Variants in IL1RAPL1 observed in about 807,000 individuals in gnomAD.
The protein encoded by IL1RAPL1 is interleukin-1 receptor accessory protein-like 1.
IL1RAPL1 carries 3 observed loss-of-function variants against 48.4 expected under a neutral mutation model. That is an observed-to-expected ratio of 0.06 (90% CI 0.03 to 0.16). The LOEUF (loss-of-function observed/expected upper bound fraction) is 0.16, where lower values mean the gene tolerates loss of function less well. Ranked by LOEUF, IL1RAPL1 falls within the 10% of genes least tolerant of loss-of-function variation. IL1RAPL1 has a pLI of 1.00. For missense variants in IL1RAPL1, 349 were observed against 530.6 expected, an observed-to-expected ratio of 0.66 and a Z score of 3.36; for synonymous variants, 185 against 187.7, an observed-to-expected ratio of 0.99 and a Z score of 0.12.
intron 3 of IL1RAPL1, among the ~76,000 whole-genome samples, chrX:29,303,923 T>G (rs974348965): frequency 3.6e-5 from 4 of 112,173 alleles, no homozygotes; most frequent in African/African-American, 1.3e-4. Flanking sequence ...ATTACTTAAC[T>G]CTAATGCCTA....
At position 29,382,550 on chromosome X, in the gene IL1RAPL1, A is replaced by G. The variant is rs759703510; in HGVS notation, c.363-13708A>G. ...TAATGAATTTCAAAATGTCTGTTCCATGTACACAGTTGTTGACATACACAA... is the reference window on the plus strand; with the variant it reads ...TAATGAATTTCAAAATGTCTGTTCCGTGTACACAGTTGTTGACATACACAA... On this transcript the variant is annotated intron_variant, in intron 3 of 10. Transcript: ENST00000378993. 6.2e-5 allele frequency among the ~76,000 whole-genome samples: 7 copies of G among 112,079 alleles called. No homozygotes were observed. The East Asian group carries it at 1.4e-3, about 22-fold the overall frequency.
chrX:29,367,913 A>C (rs1021548731), intron 3 of IL1RAPL1, among the ~76,000 whole-genome samples: 2 of 109,534 alleles, frequency 1.8e-5, no homozygotes, highest in South Asian at 3.7e-4. Context: ...ATTTATATAT[A>C]TATCTTTATA....
chrX:28,754,013 C>T (rs1322896361), intron 1 of IL1RAPL1, among the ~76,000 whole-genome samples: 1 of 108,814 alleles, frequency 9.2e-6, no homozygotes, highest in Non-Finnish European at 1.9e-5. Flanking sequence ...TATTTCTTAT[C>T]AGCTATCATC....
intron 9 of IL1RAPL1, among the ~76,000 whole-genome samples, chrX:29,946,183 A>G (rs771289578): frequency 4.5e-5 from 5 of 112,147 alleles, no homozygotes; most frequent in Non-Finnish European, 9.4e-5. Flanking sequence ...CTACTTCTCT[A>G]TCTTATCCTT....
chrX:29,350,807 T>C (rs780908168), intron 3 of IL1RAPL1, among the ~76,000 whole-genome samples: 2 of 111,654 alleles, frequency 1.8e-5, no homozygotes, highest in East Asian at 5.6e-4. Context: ...CAATGTTTAA[T>C]ATTAGAAGTA....
chrX:29,956,608 T>C lies in IL1RAPL1; in HGVS notation c.*788T>C, dbSNP rs1397832678. ...GAAGAGAAGATCAAGGGCATGAAAT[T>C]GGGGAAGAGTGTTATTTCCGTTTTT... On this transcript the variant is annotated 3_prime_UTR_variant, in exon 11 of 11. Coordinates refer to ENST00000378993, the MANE Select transcript of IL1RAPL1 (RefSeq NM_014271.4). 1.9e-5 allele frequency: 2 copies of C among 105,399 alleles called. No homozygotes were observed. Among genetic ancestry groups the C allele is most frequent in the African/African-American group, 3.4e-5 (1 of 29,018 alleles). The allele number at this position is 105,399 out of a possible 1,213,427, so 8.7% of individuals were successfully genotyped here. A position where few individuals can be genotyped will look rare whatever the true frequency, so the allele number is the denominator to read the frequency against.
chrX:29,955,006 A>G, intron 10 of IL1RAPL1, 96 bp from the exon 11 acceptor site: 1 of 722,538 alleles, frequency 1.4e-6, no homozygotes, highest in South Asian at 2.2e-5. Flanking sequence ...TATTCAGTGA[A>G]CTAGTTTCAT....
chrX:28,812,055 T>C (rs1936798273), intron 2 of IL1RAPL1, among the ~76,000 whole-genome samples: 1 of 110,777 alleles, frequency 9.0e-6, no homozygotes, highest in African/African-American at 3.3e-5. Flanking sequence ...CTTTGTGCAT[T>C]ACTCCTTCTG....
chrX:29,064,848 C>T (rs754855895), intron 2 of IL1RAPL1, among the ~76,000 whole-genome samples: 6 of 111,845 alleles, frequency 5.4e-5, no homozygotes, highest in East Asian at 2.8e-4. Context: ...CCCACAATGC[C>T]GGGATTACAG....
intron 2 of IL1RAPL1, among the ~76,000 whole-genome samples, chrX:29,066,115 T>G (rs1927446603): frequency 8.9e-6 from 1 of 112,368 alleles, no homozygotes; most frequent in African/African-American, 3.2e-5. Context: ...TTTTTCTTAT[T>G]GAAAAATGGA....
chrX:29,745,771 T>C (rs187428702), intron 6 of IL1RAPL1, among the ~76,000 whole-genome samples: 70 of 110,782 alleles, frequency 6.3e-4, no homozygotes, highest in African/African-American at 2.3e-3. Flanking sequence ...TTAAGTAGCT[T>C]TGGCCTTCAC....
intron 2 of IL1RAPL1, among the ~76,000 whole-genome samples, chrX:29,060,980 T>C (rs969653571): frequency 5.4e-5 from 6 of 111,260 alleles, no homozygotes; most frequent in Admixed American, 9.6e-5. Context: ...ATGTTCTAGA[T>C]TCCTATAATG....
intron 5 of IL1RAPL1, among the ~76,000 whole-genome samples, chrX:29,631,435 C>A (rs886910517): frequency 9.0e-6 from 1 of 110,832 alleles, no homozygotes; most frequent in Non-Finnish European, 1.9e-5. Flanking sequence ...CCATGCCCAG[C>A]TATTTTTTTC....
chrX:28,813,286 T>C (rs1225170961), intron 2 of IL1RAPL1, among the ~76,000 whole-genome samples: 1 of 111,672 alleles, frequency 9.0e-6, no homozygotes, highest in Admixed American at 9.5e-5. Context: ...AATGTCTTTT[T>C]TGAGTGTGGA....
At chrX:28,938,229 A>T (rs1419990669) in intron 2 of IL1RAPL1, among the ~76,000 whole-genome samples, 1 of 111,847 alleles carries the variant, frequency 8.9e-6, no homozygotes, top group Non-Finnish European at 1.9e-5. Flanking sequence ...AAGCAAAAGT[A>T]CAAAGCTGGA....
chrX:29,544,078 AGCAAGG>A (rs749126410), intron 5 of IL1RAPL1, among the ~76,000 whole-genome samples: 6 of 111,994 alleles, frequency 5.4e-5, no homozygotes, highest in Admixed American at 9.5e-5. Context: ...TTTCTCCTGT[AGCAAGG>A]GTTCAGGGAC....
chrX:29,232,224 T>C (rs1259514097), intron 2 of IL1RAPL1, among the ~76,000 whole-genome samples: 1 of 112,130 alleles, frequency 8.9e-6, no homozygotes, highest in Non-Finnish European at 1.9e-5. Flanking sequence ...GAGTCTGTAC[T>C]TTTAAGTAGT....
chrX:29,837,272 A>ATATATAT (rs1555925869), intron 6 of IL1RAPL1, among the ~76,000 whole-genome samples: 5 of 72,148 alleles, frequency 6.9e-5, no homozygotes, highest in African/African-American at 2.3e-4. Flanking sequence ...AAAAAAAAAA[A>ATATATAT]ATATATATAT....
At chrX:29,888,198 C>G (rs760364488) in intron 6 of IL1RAPL1, among the ~76,000 whole-genome samples, 5 of 109,057 alleles carry the variant, frequency 4.6e-5, no homozygotes, top group African/African-American at 1.7e-4. Context: ...GGTGAGGTAG[C>G]CTTTGTGAAT....
Sources: gnomAD v4.1 joint callset for allele counts (sites outside exome capture counted in the v4.1 genomes callset) on GRCh38, gnomAD v4.1.1 for gene constraint, MANE v1.5 for transcripts, NCBI Gene and HGNC (gene_info 2026-07-23, HGNC 2026-07-21) for gene names.